The following CPLANE1 variants were observed in gnomAD, a reference collection of about 807,000 sequenced individuals.
CPLANE1 encodes the protein ciliogenesis and planar polarity effector complex subunit 1, also known as ciliogenesis and planar polarity effector 1.
CPLANE1 carries 263 observed loss-of-function variants against 362.5 expected under a neutral mutation model. The observed-to-expected ratio is 0.73, with a 90% CI of 0.66 to 0.80. CPLANE1 has a LOEUF of 0.80. Among genes scored for constraint, CPLANE1 ranks in the 30% least tolerant of loss-of-function variants. The pLI, the probability that CPLANE1 is intolerant of heterozygous loss-of-function variation, is 0.00. For missense variants in CPLANE1, 3,461 were observed against 3,793.4 expected (o/e 0.91, Z 2.30); for synonymous variants, 1,212 against 1,302.6 (o/e 0.93, Z 1.50).
rs1339498232 is a variant in CPLANE1, at chr5:37,244,363, G to A, written c.570+12C>T. 3.9e-6 allele frequency: 6 copies of A among 1,532,788 alleles called. No individual in the cohort carries two copies. In the African/African-American group the frequency reaches 6.9e-5, roughly 18 times the overall value. The allele number at this position is 1,532,788 out of a possible 1,614,324, so 94.9% of individuals were successfully genotyped here. On this transcript the variant is annotated intron_variant, in intron 5 of 52. Coordinates refer to ENST00000651892, the MANE Select transcript of CPLANE1 (RefSeq NM_001384732.1). ...ATCTGCTTCACAGATAAGAGTCTGA[G>A]ACTGATTTTACCTCATTTTTTATAA...
downstream of CPLANE1, among the ~76,000 whole-genome samples, chr5:37,101,660 G>T (rs1185428184): frequency 1.3e-5 from 2 of 151,982 alleles, no homozygotes. Context: ...GCTTGAAATA[G>T]TTTCAGTAAA....
At chr5:37,186,458 C>T in intron 23 of CPLANE1, 64 bp from the exon 24 acceptor site, 1 of 774,600 alleles carries the variant, frequency 1.3e-6, no homozygotes, top group Non-Finnish European at 2.3e-6. Context: ...TTCCATTCCA[C>T]AAATATTTTA....
the CPLANE1 span, among the ~76,000 whole-genome samples, chr5:37,090,751 G>A: frequency 3.3e-3 from 503 of 152,270 alleles, 2 homozygotes; most frequent in African/African-American, 0.011. Context: ...CCCTGATACT[G>A]GCCTTAGAAA....
At chr5:37,163,119 G>A (rs978701348) in intron 37 of CPLANE1, among the ~76,000 whole-genome samples, 1 of 152,238 alleles carries the variant, frequency 6.6e-6, no homozygotes. Flanking sequence ...TCCAGTAGAA[G>A]CTGTTAAGCA....
chr5:37,231,743 T>C (rs1204852988), intron 8 of CPLANE1, among the ~76,000 whole-genome samples: 5 of 152,136 alleles, frequency 3.3e-5, no homozygotes, highest in Admixed American at 2.6e-4. Flanking sequence ...TAACTGGTAC[T>C]ACTCCTTAAC....
intron 22 of CPLANE1, 37 bp downstream of exon 22, chr5:37,187,696 G>A (rs189244724): frequency 2.0e-5 from 31 of 1,575,684 alleles, no homozygotes; most frequent in Middle Eastern, 1.7e-4. Flanking sequence ...CCCACTTAAC[G>A]TGTGTTCATT....
rs1453811032 is a variant in CPLANE1, at chr5:37,241,488, T to C, written c.677+1525A>G. ...ATAGATAGATAGATAGATAGATAGG[T>C]AGATAGACAGAAAGAAGAGGGAAAC... is the stretch of plus-strand genomic sequence containing the variant. On this transcript the variant is annotated intron_variant, in intron 6 of 52. Transcript: ENST00000651892. 5.3e-5 allele frequency among the ~76,000 whole-genome samples: 8 copies of C among 152,026 alleles called. No homozygotes were observed. In the East Asian group the frequency reaches 1.3e-3, roughly 26 times the overall value.
intron 32 of CPLANE1, among the ~76,000 whole-genome samples, chr5:37,171,006 T>C (rs1165181236): frequency 6.6e-6 from 1 of 152,166 alleles, no homozygotes; most frequent in Non-Finnish European, 1.5e-5. Context: ...CAGAAAGCAG[T>C]ACACAGGTGA....
chr5:37,076,676 C>A, the CPLANE1 span, among the ~76,000 whole-genome samples: 8 of 151,936 alleles, frequency 5.3e-5, no homozygotes, highest in Non-Finnish European at 1.2e-4. Flanking sequence ...GAAATAATAA[C>A]CTTATAGAAA....
At chr5:37,158,069 G>T in intron 39 of CPLANE1, 155 bp downstream of exon 39, 1 of 883,278 alleles carries the variant, frequency 1.1e-6, no homozygotes, top group Non-Finnish European at 1.7e-6. Context: ...TAATATTTTT[G>T]GCATAATGCT....
chr5:37,191,073 G>A (rs888897395), intron 21 of CPLANE1, among the ~76,000 whole-genome samples: 2 of 152,108 alleles, frequency 1.3e-5, no homozygotes, highest in African/African-American at 4.8e-5. Context: ...TCCAAGCATG[G>A]TATTGCCCCT....
Position 37,227,044 on chromosome 5 carries a change from G to A in CPLANE1, c.1551C>T (p.Gly517=), listed in dbSNP as rs576322541. The change falls in exon 12 of 53, where the codon GGC becomes GGT. Residue 517 remains glycine (G), a synonymous_variant. Coordinates refer to ENST00000651892, the MANE Select transcript of CPLANE1 (RefSeq NM_001384732.1). ...QDFEAEETNE[G]RHFPDNLCPF... Reference sequence around the variant, plus strand: ...GACATAAGTTGTCTGGAAAGTGTCTGCCTTCGTTAGTTTCTTCTGCTTCAA... The same window carrying A: ...GACATAAGTTGTCTGGAAAGTGTCTACCTTCGTTAGTTTCTTCTGCTTCAA... 6.5e-7 allele frequency: 1 copy of A among 1,546,980 alleles called. No homozygotes were observed. The highest frequency in any genetic ancestry group is 1.4e-5 in the African/African-American group (1 of 72,932).
the CPLANE1 span, among the ~76,000 whole-genome samples, chr5:37,080,614 CACTATATGCAATTTGCCA>C: frequency 6.6e-6 from 1 of 152,134 alleles, no homozygotes; most frequent in African/African-American, 2.4e-5. Flanking sequence ...TACAGTGCAA[CACTATATGCAATTTGCCA>C]GAAAGCAGTA....
intron 44 of CPLANE1, chr5:37,141,071 C>A: frequency 1.0e-6 from 1 of 985,358 alleles, no homozygotes. Context: ...TCACTGAGTA[C>A]CATCAGTTAC....
chr5:37,123,992 C>G (rs1298139203), intron 47 of CPLANE1, among the ~76,000 whole-genome samples: 5 of 151,800 alleles, frequency 3.3e-5, no homozygotes, highest in Non-Finnish European at 5.9e-5. Context: ...CATGCACACA[C>G]TTTAAGATTC....
At chr5:37,198,266 A>AG (rs1788131043) in intron 20 of CPLANE1, among the ~76,000 whole-genome samples, 2 of 152,200 alleles carry the variant, frequency 1.3e-5, no homozygotes, top group South Asian at 4.1e-4. Flanking sequence ...GAAAATAGCA[A>AG]GGGGGAGACC....
intron 34 of CPLANE1, 64 bp downstream of exon 34, chr5:37,168,727 A>T: frequency 1.5e-6 from 2 of 1,314,690 alleles, no homozygotes; most frequent in East Asian, 2.3e-5. Flanking sequence ...ACCATACAGT[A>T]CTTATGGTAT....
chr5:37,170,377 A>C, intron 32 of CPLANE1, 46 bp from the exon 33 acceptor site: 1 of 1,519,582 alleles, frequency 6.6e-7, no homozygotes, highest in Non-Finnish European at 9.0e-7. Flanking sequence ...ATATAACAAA[A>C]AGAATCTAAG....
chr5:37,180,707 T>C, intron 27 of CPLANE1, 150 bp downstream of exon 27: 1 of 635,388 alleles, frequency 1.6e-6, no homozygotes, highest in Non-Finnish European at 2.7e-6. Flanking sequence ...CAATGAATTG[T>C]TAAAGCACCT....
Sources: gnomAD v4.1 joint callset for allele counts (sites outside exome capture counted in the v4.1 genomes callset) on GRCh38, gnomAD v4.1.1 for gene constraint, MANE v1.5 for transcripts, NCBI Gene and HGNC (gene_info 2026-07-23, HGNC 2026-07-21) for gene names.